CUX1: variants seen among roughly 807,000 people sequenced by gnomAD.
CUX1 encodes cut like homeobox 1.
A neutral mutation model predicts 158.8 loss-of-function variants in CUX1; 31 were observed. The ratio of observed to expected loss-of-function variants is 0.20; its 90% CI spans 0.15 to 0.26. The LOEUF is 0.26. Among genes scored for constraint, CUX1 ranks in the 10% least tolerant of loss-of-function variants. CUX1 has a pLI of 1.00. For synonymous variants in CUX1, 879 were observed against 862.1 expected (o/e 1.02, Z -0.34); for missense variants, 1,589 against 2,014.6 (o/e 0.79, Z 4.04).
intron 1 of CUX1, among the ~76,000 whole-genome samples, chr7:101,894,526 G>A (rs1801250092): frequency 6.6e-6 from 1 of 152,106 alleles, no homozygotes; most frequent in Non-Finnish European, 1.5e-5. Flanking sequence ...TGGCCAGGCT[G>A]GTCTCAAACT....
chr7:101,910,563 C>G (rs959494509), intron 1 of CUX1, among the ~76,000 whole-genome samples: 3 of 152,052 alleles, frequency 2.0e-5, no homozygotes, highest in Non-Finnish European at 2.9e-5. Context: ...CAAGACTAGT[C>G]TGGCCAACAA....
In CUX1 at chr7:102,248,476, G is replaced by A. The variant is rs1554537788; in HGVS notation, c.3952G>A (p.Ala1318Thr). The A allele has an allele frequency of 1.9e-6, 3 of 1,592,640 alleles. No individual in the cohort carries two copies. Among genetic ancestry groups the A allele is most frequent in the African/African-American group, 1.3e-5 (1 of 74,134 alleles). ...IQAGSQGQAG[A>T]SDSPSARSGR... ...GGCCGGGAGTCAGGGCCAGGCGGGC[G>A]CCAGCGACTCACCCTCGGCCCGCAG... The change falls in exon 24 of 24, where the codon GCC becomes ACC. Residue 1318 changes from alanine to threonine, a missense_variant. Transcript: ENST00000292535. This position sits in a 1 kb window ranked among gnomAD's most constrained non-coding sequence, Gnocchi z 5.8.
Position 102,201,408 on chromosome 7 carries a change from A to G in CUX1, c.2111A>G (p.Asp704Gly). Reference sequence around the variant, plus strand: ...GCATCCGGCAGCGGGAACTCTGATGACGCCATCCGCTCCATCCTGCAGCAA... The same window carrying G: ...GCATCCGGCAGCGGGAACTCTGATGGCGCCATCCGCTCCATCCTGCAGCAA... ...SSASGSGNSD[D>G]AIRSILQQAR... The change falls in exon 18 of 24, where the codon GAC becomes GGC. Residue 704 changes from aspartate to glycine, a missense_variant. Coordinates refer to ENST00000292535, the MANE Select transcript of CUX1 (RefSeq NM_181552.4). This position sits in a 1 kb window ranked among gnomAD's most constrained non-coding sequence, Gnocchi z 5.0. 1 of 1,613,910 alleles carries G rather than the reference A, an allele frequency of 6.2e-7. No individual in the cohort carries two copies. Among genetic ancestry groups the G allele is most frequent in the Non-Finnish European group, 8.5e-7 (1 of 1,179,986 alleles).
intron 13 of CUX1, chr7:102,194,124 G>T: frequency 1.7e-6 from 1 of 579,488 alleles, no homozygotes; most frequent in South Asian, 2.4e-5. Context: ...CCAAGCTGGG[G>T]ATGAACAAGG....
intron 20 of CUX1, among the ~76,000 whole-genome samples, chr7:102,214,303 C>T (rs1051418530): frequency 2.0e-5 from 3 of 152,206 alleles, no homozygotes; most frequent in East Asian, 3.9e-4. Flanking sequence ...ACTCAAGGAT[C>T]GCTTGAGTCC....
intron 1 of CUX1, among the ~76,000 whole-genome samples, chr7:101,843,418 T>C (rs1795365956): frequency 6.6e-6 from 1 of 152,190 alleles, no homozygotes; most frequent in African/African-American, 2.4e-5. Context: ...TTACTTATTT[T>C]TAAAAAAGCT....
At chr7:102,206,763 G>C (rs1405014340) in intron 20 of CUX1, among the ~76,000 whole-genome samples, 3 of 152,208 alleles carry the variant, frequency 2.0e-5, no homozygotes, top group Non-Finnish European at 2.9e-5. Flanking sequence ...GCTGAGTGTG[G>C]TGGTAGGAGC....
At chr7:102,136,782 G>C (rs1240159692) in intron 8 of CUX1, among the ~76,000 whole-genome samples, 2 of 152,090 alleles carry the variant, frequency 1.3e-5, no homozygotes, top group Admixed American at 1.3e-4. Flanking sequence ...CTCTTCCTTT[G>C]CTCCAAGCAT....
At chr7:102,176,462 C>T (rs1554512012) in intron 10 of CUX1, among the ~76,000 whole-genome samples, 1 of 151,920 alleles carries the variant, frequency 6.6e-6, no homozygotes, top group African/African-American at 2.4e-5. Context: ...AGACACCATG[C>T]AGCTCTGCCC....
At chr7:101,821,512 G>A (rs1467784410) in intron 1 of CUX1, among the ~76,000 whole-genome samples, 1 of 144,304 alleles carries the variant, frequency 6.9e-6, no homozygotes, top group Non-Finnish European at 1.5e-5. Flanking sequence ...CTAATTTTTT[G>A]TATTTTTAGT....
At chr7:102,003,150 C>T (rs950250393) in intron 2 of CUX1, among the ~76,000 whole-genome samples, 1 of 152,108 alleles carries the variant, frequency 6.6e-6, no homozygotes. Context: ...CTGCCCGCCT[C>T]GGCCTCCCAA....
At chr7:102,008,797 G>A (rs1344968750) in intron 2 of CUX1, among the ~76,000 whole-genome samples, 4 of 152,280 alleles carry the variant, frequency 2.6e-5, no homozygotes, top group African/African-American at 9.6e-5. Context: ...TTCAGGAGGC[G>A]AGACCACAGC....
intron 17 of CUX1, among the ~76,000 whole-genome samples, chr7:102,200,977 T>C (rs1290775018): frequency 7.8e-6 from 1 of 128,498 alleles, no homozygotes; most frequent in African/African-American, 3.1e-5. Flanking sequence ...CAGTGAGCCG[T>C]GATCGTGCCA....
intron 2 of CUX1, among the ~76,000 whole-genome samples, chr7:101,991,992 G>C (rs1158214682): frequency 6.6e-6 from 1 of 152,198 alleles, no homozygotes; most frequent in African/African-American, 2.4e-5. Flanking sequence ...AGGAGTCCGA[G>C]ACCAACTTGG....
intron 21 of CUX1, chr7:102,282,658 T>C: frequency 6.3e-7 from 1 of 1,588,012 alleles, no homozygotes; most frequent in Admixed American, 1.7e-5. Context: ...ATGGGTGGGC[T>C]GCAGGGGTGG....
At chr7:102,038,650 T>C (rs188402865) in intron 3 of CUX1, among the ~76,000 whole-genome samples, 3 of 152,278 alleles carry the variant, frequency 2.0e-5, no homozygotes, top group South Asian at 2.1e-4. Flanking sequence ...CTCCTAAATA[T>C]ATACGCTAAA....
chr7:101,897,515 A>T (rs1801648466), intron 1 of CUX1, among the ~76,000 whole-genome samples: 1 of 141,780 alleles, frequency 7.1e-6, no homozygotes, highest in South Asian at 2.1e-4. Flanking sequence ...AAAAAAAAAT[A>T]ATAATAATAA....
chr7:102,181,575 G>A (rs527693231), intron 11 of CUX1, among the ~76,000 whole-genome samples: 2 of 152,222 alleles, frequency 1.3e-5, no homozygotes, highest in African/African-American at 4.8e-5. Context: ...CCGTATCTTG[G>A]GGGAATTGTT....
At chr7:101,999,171 C>T (rs1212158926) in intron 2 of CUX1, among the ~76,000 whole-genome samples, 5 of 150,924 alleles carry the variant, frequency 3.3e-5, no homozygotes, top group Non-Finnish European at 5.9e-5. Flanking sequence ...GCTGTCGCCT[C>T]CACTCTCTAG....
Sources: gnomAD v4.1 joint callset for allele counts (sites outside exome capture counted in the v4.1 genomes callset) on GRCh38, gnomAD v4.1.1 for gene constraint, Gnocchi (gnomAD v3.1) non-coding constraint, MANE v1.5 for transcripts, NCBI Gene and HGNC (gene_info 2026-07-23, HGNC 2026-07-21) for gene names.